TCP11: variants seen among roughly 807,000 people sequenced by gnomAD.
TCP11 encodes the protein t-complex 11, also known as T-complex protein 11 homolog.
In TCP11, 34 loss-of-function variants were observed where a neutral mutation model predicts 45.0. The ratio of observed to expected loss-of-function variants is 0.76; its 90% CI spans 0.57 to 1.01. The LOEUF is 1.01. Ranked by LOEUF, TCP11 falls within the 50% of genes least tolerant of loss-of-function variation. The probability of loss-of-function intolerance (pLI) is 0.00; values close to 1 mark genes in which losing one functional copy is unlikely to be tolerated. For missense variants in TCP11, 523 were observed against 598.1 expected, an observed-to-expected ratio of 0.87 and a Z score of 1.31; for synonymous variants, 227 against 227.0, an observed-to-expected ratio of 1.00 and a Z score of 0.00.
At position 35,120,944 on chromosome 6, in the gene TCP11, C is replaced by G; in HGVS notation, c.680G>C (p.Arg227Pro). 6.2e-7 allele frequency: 1 copy of G among 1,613,808 alleles called. No individual in the cohort carries two copies. Among genetic ancestry groups the G allele is most frequent in the South Asian group, 1.1e-5 (1 of 90,990 alleles). Residue 227 changes from arginine to proline, a missense_variant, in exon 6 of 10, where the codon CGG (arginine) becomes CCG (proline). This residue lies in a region of TCP11 where 298 missense variants were observed against 387.9 expected (regional missense o/e 0.77). Coordinates refer to ENST00000311875, the MANE Select transcript of TCP11 (RefSeq NM_001370687.1). This position sits in a 1 kb window ranked among gnomAD's most constrained non-coding sequence, Gnocchi z 4.9. ...ATTGAGGAGTTCCTGGAATTTAGCC[C>G]GTTCATACTGAATGGAATGTTCCTG... ...HLQEHSIQYE[R>P]AKFQELLNKQ...
chr6:35,120,683 A>G lies in TCP11; in HGVS notation c.716-37T>C. 1 of 1,582,232 alleles carries G rather than the reference A, an allele frequency of 6.3e-7. No homozygotes were observed. The highest frequency in any genetic ancestry group is 8.6e-7 in the Non-Finnish European group (1 of 1,160,398). On this transcript the variant is annotated intron_variant, in intron 6 of 9. Coordinates refer to ENST00000311875, the MANE Select transcript of TCP11 (RefSeq NM_001370687.1). This position sits in a 1 kb window ranked among gnomAD's most constrained non-coding sequence, Gnocchi z 4.9. ...AAGGGAGTGTGTAAGCATCTTTAGC[A>G]TCTTCATCTCTGAGGCTTCAAGACC...
At chr6:35,121,163 T>C in intron 5 of TCP11, 118 bp from the exon 6 acceptor site, 1 of 1,226,572 alleles carries the variant, frequency 8.2e-7, no homozygotes, top group Non-Finnish European at 1.1e-6. Flanking sequence ...TCTTACCTCC[T>C]ACATTTTCAG....
chr6:35,138,548 A>C (rs945498505), intron 2 of TCP11, among the ~76,000 whole-genome samples: 1 of 150,780 alleles, frequency 6.6e-6, no homozygotes, highest in Non-Finnish European at 1.5e-5. Context: ...ACTCATGTAG[A>C]TAGAGAATAG....
rs1202622344 is a variant in TCP11, at chr6:35,119,220, A to G, written c.1279+8T>C. ...TCACCATTCTTACTACCCCACAAGC[A>G]TACTCACCAATAACACTGCAGACAC... On this transcript the variant is annotated splice_region_variant and intron_variant, in intron 9 of 9. Transcript: ENST00000311875. 1 of 1,613,688 alleles carries G rather than the reference A, an allele frequency of 6.2e-7. No homozygotes were observed. The highest frequency in any genetic ancestry group is 8.5e-7 in the Non-Finnish European group (1 of 1,179,830).
chr6:35,139,650 T>C (rs928595566), intron 2 of TCP11, among the ~76,000 whole-genome samples: 10 of 152,320 alleles, frequency 6.6e-5, no homozygotes, highest in South Asian at 2.1e-4. Flanking sequence ...GAGGGAAATA[T>C]ACACAGAAAC....
intron 3 of TCP11, among the ~76,000 whole-genome samples, chr6:35,135,641 C>T (rs1780993317): frequency 3.4e-5 from 4 of 117,848 alleles, no homozygotes; most frequent in East Asian, 2.4e-4. Context: ...AAAAAAAAAT[C>T]GAAAAATGAG....
Position 35,118,343 on chromosome 6 carries a change from G to A in TCP11, c.1438C>T (p.Pro480Ser). The change falls in exon 10 of 10, where the codon CCC becomes TCC. Residue 480 changes from proline to serine, a missense_variant. Around this residue, in one of 2 missense-constraint regions of TCP11, gnomAD observed 298 missense variants for 387.9 expected, o/e 0.77. Coordinates refer to ENST00000311875, the MANE Select transcript of TCP11 (RefSeq NM_001370687.1). ...LTHHNQQVFG[P>S]YYTEILKTLI... is the part of the protein sequence containing the mutation. ...GTTTTTAGGATCTCAGTGTAGTAGG[G>A]ACCAAACACCTGCTGATTGTGATGT... The A allele has an allele frequency of 6.2e-7, 1 of 1,614,170 alleles. No individual in the cohort carries two copies. Among genetic ancestry groups the A allele is most frequent in the South Asian group, 1.1e-5 (1 of 91,078 alleles).
At chr6:35,139,613 T>A (rs952773352) in intron 2 of TCP11, among the ~76,000 whole-genome samples, 2 of 152,232 alleles carry the variant, frequency 1.3e-5, no homozygotes, top group African/African-American at 4.8e-5. Flanking sequence ...AGAAGGGGAT[T>A]GAACTACAGC....
At position 35,140,841 on chromosome 6, in the gene TCP11, CG is replaced by C; in HGVS notation, c.29del (p.Pro10ArgfsTer39). 1 of 1,567,136 alleles carries C rather than the reference CG, an allele frequency of 6.4e-7. No homozygotes were observed. On this transcript the variant is annotated frameshift_variant, in exon 2 of 10. Coordinates refer to ENST00000311875, the MANE Select transcript of TCP11 (RefSeq NM_001370687.1). LOFTEE classifies it high-confidence loss of function. ...TGCCCTCTGAGTCGCCAGGATATTT[CG>C]GGGGCACACTCTCCTTGACGTCTGG... is the stretch of plus-strand genomic sequence containing the variant. Reference protein sequence around the residue: MPDVKESVPPKYPGDSEGRS... With the variant: MPDVKESVPXKYPGDSEGRS...
At chr6:35,119,138 G>T in intron 9 of TCP11, 90 bp downstream of exon 9, 1 of 1,503,330 alleles carries the variant, frequency 6.7e-7, no homozygotes, top group South Asian at 1.3e-5. Context: ...CGTACCTAAT[G>T]ACCATGCTTC....
intron 9 of TCP11, 138 bp downstream of exon 9, chr6:35,119,090 A>C (rs1778943189): frequency 8.8e-7 from 1 of 1,141,250 alleles, no homozygotes; most frequent in African/African-American, 1.5e-5. Flanking sequence ...ATATGATTTC[A>C]ACCCAGCATT....
In TCP11 at chr6:35,118,309, GAAATGA is replaced by G; in HGVS notation, c.1466_1471del (p.Leu489_Ser491delinsPro). The stretch of plus-strand genomic sequence containing the variant: ...TTTTGTTTCCAGTGCCTGGGCTGGG[GAAATGA>G]GGGTTTTTAGGATCTCAGTGTAGTA... On this transcript the variant is annotated inframe_deletion, in exon 10 of 10. Transcript: ENST00000311875. 1 of 1,614,196 alleles carries G rather than the reference GAAATGA, an allele frequency of 6.2e-7. No individual in the cohort carries two copies. The highest frequency in any genetic ancestry group is 8.5e-7 in the Non-Finnish European group (1 of 1,180,032).
chr6:35,123,073 C>A (rs1779459796), intron 4 of TCP11, among the ~76,000 whole-genome samples: 1 of 152,134 alleles, frequency 6.6e-6, no homozygotes, highest in Non-Finnish European at 1.5e-5. Context: ...CCTTTGCTAG[C>A]TGACACAATG....
At chr6:35,140,138 T>C in intron 2 of TCP11, 1 of 1,611,712 alleles carries the variant, frequency 6.2e-7, no homozygotes, top group African/African-American at 1.3e-5. Flanking sequence ...AAAGCCTCAA[T>C]CTAATTTTTC....
chr6:35,125,600 T>G (rs1289932194), intron 4 of TCP11, among the ~76,000 whole-genome samples: 1 of 152,196 alleles, frequency 6.6e-6, no homozygotes, highest in Non-Finnish European at 1.5e-5. Flanking sequence ...GAAAACAGTT[T>G]GGCAGTTCCT....
At chr6:35,140,957 G>A (rs999151670) in intron 1 of TCP11, 73 bp from the exon 2 acceptor site, 9 of 1,461,408 alleles carry the variant, frequency 6.2e-6, no homozygotes, top group Non-Finnish European at 8.1e-6. Flanking sequence ...GGTCCCTGGG[G>A]GCGGCGGGAA....
chr6:35,133,745 G>A (rs1235051761), intron 3 of TCP11, among the ~76,000 whole-genome samples: 3 of 151,752 alleles, frequency 2.0e-5, no homozygotes, highest in East Asian at 1.9e-4. Context: ...AGCTGAGATC[G>A]CGCCACTGCA....
rs757600603 is a variant in TCP11 at position 35,121,026 on chromosome 6, C to T, written c.598G>A (p.Gly200Ser). The T allele has an allele frequency of 4.4e-6, 7 of 1,608,906 alleles. No homozygotes were observed. The highest frequency in any genetic ancestry group is 4.2e-6 in the Non-Finnish European group (5 of 1,177,278). Residue 200 changes from glycine (G) to serine (S), a missense_variant, in exon 6 of 10, where the codon GGC (glycine) becomes AGC (serine). Gly to Ser is a moderately conservative substitution (Grantham distance 56). This residue lies in a region of TCP11 where 298 missense variants were observed against 387.9 expected (regional missense o/e 0.77). Coordinates refer to ENST00000311875, the MANE Select transcript of TCP11 (RefSeq NM_001370687.1). ...WLLRGIFQVL[G>S]RMKMDMVNYT... is the part of the protein sequence containing the mutation. ...TTCACCATGTCCATTTTCATCCGGC[C>T]CAGAACCTGGAAGATCCCTCTGACA...
At chr6:35,140,969 G>T (rs980558113) in intron 1 of TCP11, 85 bp from the exon 2 acceptor site, 3 of 1,429,738 alleles carry the variant, frequency 2.1e-6, no homozygotes, top group East Asian at 2.5e-5. Flanking sequence ...CGGCGGGAAG[G>T]GGGGTAGCGG....
Sources: allele counts gnomAD v4.1 joint callset (sites outside exome capture counted in the v4.1 genomes callset), GRCh38; gene constraint gnomAD v4.1.1; regional missense constraint gnomAD v4.1.1; non-coding constraint Gnocchi (gnomAD v3.1); transcripts MANE v1.5; gene names NCBI Gene and HGNC (gene_info 2026-07-23, HGNC 2026-07-21).